Variants in NUDT5 observed in about 807,000 individuals in gnomAD.
NUDT5 encodes nudix hydrolase 5.
NUDT5 carries 21 observed loss-of-function variants against 34.1 expected under a neutral mutation model. The ratio of observed to expected loss-of-function variants is 0.62; its 90% confidence interval spans 0.44 to 0.89. The LOEUF is 0.89. Among genes scored for constraint, NUDT5 ranks in the 40% least tolerant of loss-of-function variants. The pLI, the probability that NUDT5 is intolerant of heterozygous loss-of-function variation, is 0.00. For synonymous variants in NUDT5, 85 were observed against 97.6 expected (o/e 0.87, Z 0.76); for missense variants, 249 against 274.8 (o/e 0.91, Z 0.66).
chr10:12,187,774 C>T lies in NUDT5; in HGVS notation c.-41-1442G>A, dbSNP rs76843285. 1.1e-3 allele frequency among the ~76,000 whole-genome samples: 165 copies of T among 152,258 alleles called. 4 individuals are homozygous for T. The East Asian group carries it at 0.03, about 27-fold the overall frequency. On this transcript the variant is annotated intron_variant, in intron 1 of 9. Transcript: ENST00000491614. This position sits in a 1 kb window ranked among gnomAD's most constrained non-coding sequence, Gnocchi z 5.4. ...GTGGGTCCTTTCAATCTGGAAACTT[C>T]TTACTATGCTTCTTTACAGGGAATT...
chr10:12,166,399 G>C lies in NUDT5; in HGVS notation c.*1303C>G. ...AGGCTACCATTACAGGAAGTAGTTG[G>C]ATCTTAATTTTCACATGTATAGGGC... On this transcript the variant is annotated 3_prime_UTR_variant, in exon 10 of 10. Coordinates refer to ENST00000491614, the MANE Select transcript of NUDT5 (RefSeq NM_014142.4). 1 of 159,842 alleles carries C rather than the reference G, an allele frequency of 6.3e-6. No individual in the cohort carries two copies. Among genetic ancestry groups the C allele is most frequent in the South Asian group, 1.6e-4 (1 of 6,086 alleles). 9.9% of individuals were successfully genotyped at this position (159,842 alleles called of 1,614,324 possible). A position where few individuals can be genotyped will look rare whatever the true frequency, so the allele number is the denominator to read the frequency against.
Position 12,195,849 on chromosome 10 carries a change from G to T in NUDT5, c.-121C>A. ...CAGTGTCAGCCGATGCCGGTGCCAC[G>T]GCTCGAAACACCGGCGCCTCTCGCG... On this transcript the variant is annotated 5_prime_UTR_variant, in exon 1 of 10. Coordinates refer to ENST00000491614, the MANE Select transcript of NUDT5 (RefSeq NM_014142.4). 4.4e-6 allele frequency: 1 copy of T among 227,326 alleles called. No homozygotes were observed. Among genetic ancestry groups the T allele is most frequent in the South Asian group, 5.3e-5 (1 of 18,896 alleles). 14.1% of individuals were successfully genotyped at this position (227,326 alleles called of 1,614,324 possible).
chr10:12,173,528 C>G lies in NUDT5; in HGVS notation c.385+190G>C, dbSNP rs1479643810. Among the ~76,000 whole-genome samples, 1 of 152,166 alleles carries G rather than the reference C, an allele frequency of 6.6e-6. No individual in the cohort carries two copies. The highest frequency in any genetic ancestry group is 2.4e-5 in the African/African-American group (1 of 41,452). ...AAAAGGCAATTTAATTTCATTAATT[C>G]TCCCCCAACTTCAGGCCCTTCTGGC... On this transcript the variant is annotated intron_variant, in intron 6 of 9. Transcript: ENST00000491614. The surrounding 1 kb of genome is among the most constrained non-coding windows in gnomAD (Gnocchi z 4.7).
rs1191171732 is a variant in NUDT5 at position 12,171,550 on chromosome 10, T to A, written c.488-642A>T. Reference sequence around the variant, plus strand: ...AGGCACGCAAGTATATGAGTCCCTGTTTCACTTCTTCTGGGTGTAGACTTA... The same window carrying A: ...AGGCACGCAAGTATATGAGTCCCTGATTCACTTCTTCTGGGTGTAGACTTA... On this transcript the variant is annotated intron_variant, in intron 7 of 9. Coordinates refer to ENST00000491614, the MANE Select transcript of NUDT5 (RefSeq NM_014142.4). This position sits in a 1 kb window ranked among gnomAD's most constrained non-coding sequence, Gnocchi z 4.2. Among the ~76,000 whole-genome samples, 2 of 152,128 alleles carry A rather than the reference T, an allele frequency of 1.3e-5. No individual in the cohort carries two copies. Among genetic ancestry groups the A allele is most frequent in the East Asian group, 1.9e-4 (1 of 5,196 alleles).
chr10:12,177,522 A>G (rs986996329), intron 5 of NUDT5, among the ~76,000 whole-genome samples: 1 of 152,196 alleles, frequency 6.6e-6, no homozygotes, highest in Non-Finnish European at 1.5e-5. Context: ...CCGTCTCACA[A>G]AACAAAACAA....
chr10:12,179,015 G>T (rs199959403), intron 4 of NUDT5, 68 bp downstream of exon 4: 5 of 1,327,948 alleles, frequency 3.8e-6, no homozygotes, highest in Middle Eastern at 3.6e-4. Flanking sequence ...TGGTTCCATT[G>T]AAAACCCTCT....
chr10:12,184,249 G>A (rs1835088592), intron 3 of NUDT5, among the ~76,000 whole-genome samples: 1 of 152,108 alleles, frequency 6.6e-6, no homozygotes, highest in African/African-American at 2.4e-5. Context: ...GTTTCGCCAT[G>A]TTGCCTAGGC....
At position 12,167,695 on chromosome 10, in the gene NUDT5, T is replaced by C; in HGVS notation, c.*7A>G. 6.2e-7 allele frequency: 1 copy of C among 1,613,872 alleles called. No homozygotes were observed. The highest frequency in any genetic ancestry group is 8.5e-7 in the Non-Finnish European group (1 of 1,179,868). ...GTTTACAAAAATGGCCAGTGTCATA[T>C]TTGGGCTTAAAATTTCAAGAAGGGC... is the stretch of plus-strand genomic sequence containing the variant. On this transcript the variant is annotated 3_prime_UTR_variant, in exon 10 of 10. Coordinates refer to ENST00000491614, the MANE Select transcript of NUDT5 (RefSeq NM_014142.4).
At chr10:12,194,399 T>C (rs1213504405) in intron 1 of NUDT5, among the ~76,000 whole-genome samples, 1 of 152,260 alleles carries the variant, frequency 6.6e-6, no homozygotes, top group East Asian at 1.9e-4. Context: ...ATTAAGTCTT[T>C]CTGGCACCAC....
At chr10:12,176,565 C>T (rs1318365444) in intron 5 of NUDT5, among the ~76,000 whole-genome samples, 5 of 150,872 alleles carry the variant, frequency 3.3e-5, no homozygotes, top group East Asian at 4.0e-4. Flanking sequence ...GATCGTGCCA[C>T]TGCACTCCAG....
Position 12,166,070 on chromosome 10 carries a change from A to G in NUDT5, c.*1632T>C, listed in dbSNP as rs1034548372. ...CAAAGCACAACCTTTTCATGTTTAT[A>G]AAAAATAGAAATGGCATTTAGGGAT... is the stretch of plus-strand genomic sequence containing the variant. On this transcript the variant is annotated 3_prime_UTR_variant, in exon 10 of 10. Coordinates refer to ENST00000491614, the MANE Select transcript of NUDT5 (RefSeq NM_014142.4). The G allele has an allele frequency of 6.6e-6, 1 of 152,282 alleles. No individual in the cohort carries two copies. The highest frequency in any genetic ancestry group is 1.5e-5 in the Non-Finnish European group (1 of 68,060). The allele number at this position is 152,282 out of a possible 1,614,324, so 9.4% of individuals were successfully genotyped here. A position where few individuals can be genotyped will look rare whatever the true frequency, so the allele number is the denominator to read the frequency against.
At chr10:12,195,697 T>A (rs1239869484) in intron 1 of NUDT5, 73 bp downstream of exon 1, 1 of 158,882 alleles carries the variant, frequency 6.3e-6, no homozygotes, top group Non-Finnish European at 1.4e-5. Flanking sequence ...CATGCAGATG[T>A]GGTCCCTTTC....
chr10:12,166,025 T>G lies in NUDT5; in HGVS notation c.*1677A>C, dbSNP rs757764271. 3 of 152,264 alleles carry G rather than the reference T, an allele frequency of 2.0e-5. No individual in the cohort carries two copies. The highest frequency in any genetic ancestry group is 4.8e-5 in the African/African-American group (2 of 41,470). 9.4% of individuals were successfully genotyped at this position (152,264 alleles called of 1,614,324 possible). A position where few individuals can be genotyped will look rare whatever the true frequency, so the allele number is the denominator to read the frequency against. ...AAACAGTGCCAGCCAGACTGCCAGT[T>G]CTCAAACAGACTGAATTTCCAAAGC... On this transcript the variant is annotated 3_prime_UTR_variant, in exon 10 of 10. Coordinates refer to ENST00000491614, the MANE Select transcript of NUDT5 (RefSeq NM_014142.4).
intron 1 of NUDT5, among the ~76,000 whole-genome samples, chr10:12,188,987 G>A (rs1285561516): frequency 6.6e-6 from 1 of 152,196 alleles, no homozygotes; most frequent in Non-Finnish European, 1.5e-5. Context: ...AAGCAATAAG[G>A]AAGTAAACCA....
chr10:12,188,468 C>CA (rs1835163384), intron 1 of NUDT5, among the ~76,000 whole-genome samples: 1 of 152,170 alleles, frequency 6.6e-6, no homozygotes, highest in African/African-American at 2.4e-5. Context: ...GCTCACGCCT[C>CA]ACGCCTACAA....
chr10:12,177,485 C>T (rs1253533925), intron 5 of NUDT5, among the ~76,000 whole-genome samples: 1 of 152,230 alleles, frequency 6.6e-6, no homozygotes, highest in South Asian at 2.1e-4. Context: ...TGCCACTGCA[C>T]TCCAGCCTGG....
At chr10:12,188,728 T>TG (rs1554803846) in intron 1 of NUDT5, among the ~76,000 whole-genome samples, 2 of 74,692 alleles carry the variant, frequency 2.7e-5, no homozygotes, top group African/African-American at 6.0e-5. Flanking sequence ...AGACTCCATC[T>TG]AAAAAAAAAA....
In NUDT5 at chr10:12,170,554, A is replaced by G; in HGVS notation, c.550+163T>C. 1.4e-6 allele frequency: 1 copy of G among 729,252 alleles called. No individual in the cohort carries two copies. Among genetic ancestry groups the G allele is most frequent in the East Asian group, 2.6e-5 (1 of 38,682 alleles). The allele number at this position is 729,252 out of a possible 1,614,324, so 45.2% of individuals were successfully genotyped here. On this transcript the variant is annotated intron_variant, in intron 9 of 9. Coordinates refer to ENST00000491614, the MANE Select transcript of NUDT5 (RefSeq NM_014142.4). The surrounding 1 kb of genome is among the most constrained non-coding windows in gnomAD (Gnocchi z 4.9). ...ATTTTCAAACTCTGTGCCACCCAGA[A>G]AGGAAAATTAGTAGTGGTCACCTGC... is the stretch of plus-strand genomic sequence containing the variant.
At chr10:12,172,890 A>G in intron 6 of NUDT5, 24 bp from the exon 7 acceptor site, 1 of 1,518,092 alleles carries the variant, frequency 6.6e-7, no homozygotes, top group Non-Finnish European at 9.1e-7. Context: ...GGACAGTCAG[A>G]TGCGTCAGTC....
Sources: allele counts gnomAD v4.1 joint callset (sites outside exome capture counted in the v4.1 genomes callset), GRCh38; gene constraint gnomAD v4.1.1; non-coding constraint Gnocchi (gnomAD v3.1); transcripts MANE v1.5; gene names NCBI Gene and HGNC (gene_info 2026-07-23, HGNC 2026-07-21).